Variants in DPP10 observed in about 807,000 individuals in gnomAD.
The protein encoded by DPP10 is dipeptidyl peptidase like 10.
A neutral mutation model predicts 120.9 loss-of-function variants in DPP10; 33 were observed. The ratio of observed to expected loss-of-function variants is 0.27; its 90% CI spans 0.21 to 0.37. DPP10 has a LOEUF of 0.37. Ranked by LOEUF, DPP10 falls within the 10% of genes least tolerant of loss-of-function variation. DPP10 has a pLI of 1.00. For synonymous variants in DPP10, 337 were observed against 326.1 expected (o/e 1.03, Z -0.36); for missense variants, 816 against 942.8 (o/e 0.87, Z 1.76).
At chr2:114,919,318 A>G (rs1443383005) in intron 1 of DPP10, among the ~76,000 whole-genome samples, 2 of 152,230 alleles carry the variant, frequency 1.3e-5, no homozygotes, top group East Asian at 1.9e-4. Flanking sequence ...ACTGAAGGCT[A>G]TAATTCACAA....
intron 1 of DPP10, among the ~76,000 whole-genome samples, chr2:114,614,482 A>G (rs1693530186): frequency 6.6e-6 from 1 of 152,148 alleles, no homozygotes; most frequent in African/African-American, 2.4e-5. Flanking sequence ...TCCCTTATGA[A>G]TCTATCCAAA....
intron 1 of DPP10, among the ~76,000 whole-genome samples, chr2:115,056,019 T>G (rs1449975561): frequency 6.6e-6 from 1 of 152,204 alleles, no homozygotes; most frequent in Non-Finnish European, 1.5e-5. Context: ...AATAGTCATA[T>G]CTACTACCTA....
rs1368968832 is a variant in DPP10 at position 114,974,446 on chromosome 2, C to T, written c.61-334793C>T. The stretch of plus-strand genomic sequence containing the variant: ...TTTTTTTTTTTTTTTGAAGCAGAGT[C>T]TCACTCTGTCACCCAGGCTGGAGTG... On this transcript the variant is annotated intron_variant, in intron 1 of 25. Transcript: ENST00000410059. Among the ~76,000 whole-genome samples, 2 of 135,808 alleles carry T rather than the reference C, an allele frequency of 1.5e-5. 1 individual carries two copies. The highest frequency in any genetic ancestry group is 4.4e-4 in the East Asian group (2 of 4,574). 89.1% of individuals were successfully genotyped at this position (135,808 alleles called of 152,430 possible).
intron 1 of DPP10, among the ~76,000 whole-genome samples, chr2:114,770,270 C>A (rs1460620852): frequency 6.6e-6 from 1 of 152,032 alleles, no homozygotes; most frequent in Non-Finnish European, 1.5e-5. Flanking sequence ...GCTAAGGGGA[C>A]CTCATACCTC....
intron 4 of DPP10, among the ~76,000 whole-genome samples, chr2:115,505,179 T>C (rs2076876487): frequency 6.6e-6 from 1 of 152,040 alleles, no homozygotes; most frequent in Admixed American, 6.6e-5. Flanking sequence ...ATGCATATTG[T>C]TAAATGAGTA....
At chr2:115,525,004 A>T (rs1035127534) in intron 4 of DPP10, among the ~76,000 whole-genome samples, 2 of 152,030 alleles carry the variant, frequency 1.3e-5, no homozygotes, top group Non-Finnish European at 2.9e-5. Context: ...AAACAAAGAA[A>T]CTCTGACTTT....
At chr2:115,244,745 C>A (rs1297043380) in intron 1 of DPP10, among the ~76,000 whole-genome samples, 1 of 150,936 alleles carries the variant, frequency 6.6e-6, no homozygotes. Context: ...TTTTTCCAAT[C>A]CACATTCCAA....
chr2:115,365,436 A>G (rs931196283), intron 3 of DPP10, among the ~76,000 whole-genome samples: 15 of 152,034 alleles, frequency 9.9e-5, no homozygotes, highest in Non-Finnish European at 1.5e-5. Context: ...GACATCAGGC[A>G]GAGATGGTCC....
chr2:115,655,039 C>G (rs760745637), intron 5 of DPP10, among the ~76,000 whole-genome samples: 3 of 151,582 alleles, frequency 2.0e-5, no homozygotes, highest in South Asian at 2.1e-4. Flanking sequence ...AATTATTCCT[C>G]TAAGTGTATA....
chr2:115,214,581 A>G (rs2056705660), intron 1 of DPP10, among the ~76,000 whole-genome samples: 1 of 152,200 alleles, frequency 6.6e-6, no homozygotes, highest in South Asian at 2.1e-4. Flanking sequence ...TACATTTTAT[A>G]TATGAAATAA....
intron 1 of DPP10, among the ~76,000 whole-genome samples, chr2:115,189,087 C>G (rs990335165): frequency 6.6e-6 from 1 of 152,160 alleles, no homozygotes; most frequent in Non-Finnish European, 1.5e-5. Flanking sequence ...AGCACTCGAA[C>G]ATAAATTTAA....
intron 1 of DPP10, among the ~76,000 whole-genome samples, chr2:114,455,769 G>C (rs546064976): frequency 1.4e-5 from 2 of 147,794 alleles, no homozygotes; most frequent in South Asian, 4.3e-4. Flanking sequence ...CAGTAAAGTA[G>C]TAAAAATCAA....
intron 1 of DPP10, among the ~76,000 whole-genome samples, chr2:115,291,426 T>A (rs1393014051): frequency 6.6e-6 from 1 of 152,112 alleles, no homozygotes; most frequent in Non-Finnish European, 1.5e-5. Flanking sequence ...CTAACCAACA[T>A]AACATATTGA....
intron 1 of DPP10, among the ~76,000 whole-genome samples, chr2:114,796,961 C>T (rs1423261407): frequency 6.6e-6 from 1 of 152,120 alleles, no homozygotes; most frequent in Non-Finnish European, 1.5e-5. Context: ...TAGGTAGAGG[C>T]TTAGGTGGTT....
intron 1 of DPP10, among the ~76,000 whole-genome samples, chr2:115,272,758 C>G (rs974670123): frequency 3.9e-5 from 6 of 152,246 alleles, no homozygotes; most frequent in African/African-American, 1.2e-4. Flanking sequence ...CCCCTGCCCA[C>G]GCACCTGCAC....
intron 1 of DPP10, among the ~76,000 whole-genome samples, chr2:115,001,539 C>T (rs539613800): frequency 8.5e-5 from 13 of 152,054 alleles, no homozygotes; most frequent in African/African-American, 2.2e-4. Flanking sequence ...TGAAAGTCCC[C>T]GACAGAGCAA....
intron 1 of DPP10, among the ~76,000 whole-genome samples, chr2:114,696,357 G>A (rs1700067006): frequency 6.6e-6 from 1 of 152,042 alleles, no homozygotes; most frequent in East Asian, 1.9e-4. Flanking sequence ...TAAAAGACTG[G>A]TTTATTCACT....
At chr2:115,104,003 A>G (rs960456337) in intron 1 of DPP10, among the ~76,000 whole-genome samples, 1 of 152,136 alleles carries the variant, frequency 6.6e-6, no homozygotes, top group African/African-American at 2.4e-5. Flanking sequence ...ATACACCTTA[A>G]CACACAGCCT....
intron 3 of DPP10, among the ~76,000 whole-genome samples, chr2:115,386,573 G>T (rs142946522): frequency 2.1e-4 from 32 of 152,222 alleles, no homozygotes; most frequent in African/African-American, 7.2e-4. Flanking sequence ...CATAGATAAT[G>T]GTCAGTTAAT....
Sources: gnomAD v4.1 joint callset for allele counts (sites outside exome capture counted in the v4.1 genomes callset) on GRCh38, gnomAD v4.1.1 for gene constraint, MANE v1.5 for transcripts, NCBI Gene and HGNC (gene_info 2026-07-23, HGNC 2026-07-21) for gene names.